GALNT10: variants seen among roughly 807,000 people sequenced by gnomAD.
GALNT10 encodes polypeptide N-acetylgalactosaminyltransferase 10, also known as GalNAc transferase 10.
GALNT10 carries 41 observed loss-of-function variants against 75.0 expected under a neutral mutation model. The ratio of observed to expected loss-of-function variants is 0.55; its 90% confidence interval spans 0.43 to 0.71. The LOEUF (loss-of-function observed/expected upper bound fraction) is 0.71, where lower values mean the gene tolerates loss of function less well. Ranked by LOEUF, GALNT10 falls within the 30% of genes least tolerant of loss-of-function variation. GALNT10 has a pLI of 0.00. For missense variants in GALNT10, 727 were observed against 818.5 expected (o/e 0.89, Z 1.36); for synonymous variants, 302 against 313.0 (o/e 0.96, Z 0.37).
chr5:154,194,297 GT>G (rs144868182), intron 1 of GALNT10, among the ~76,000 whole-genome samples: 32 of 152,130 alleles, frequency 2.1e-4, no homozygotes, highest in African/African-American at 7.5e-4. Context: ...AGAAATCAAT[GT>G]TTTTTTCTCT....
intron 4 of GALNT10, among the ~76,000 whole-genome samples, chr5:154,367,161 A>G (rs1170054121): frequency 1.3e-5 from 2 of 152,220 alleles, no homozygotes; most frequent in African/African-American, 2.4e-5. Context: ...ATGTGTGTGT[A>G]TACTTTTGTA....
intron 3 of GALNT10, among the ~76,000 whole-genome samples, chr5:154,323,149 C>T (rs990339604): frequency 3.3e-5 from 5 of 152,130 alleles, no homozygotes; most frequent in Non-Finnish European, 7.4e-5. Flanking sequence ...ACGGGCTTTG[C>T]GGGCCACATG....
intron 3 of GALNT10, among the ~76,000 whole-genome samples, chr5:154,326,339 A>T (rs1304947894): frequency 6.6e-6 from 1 of 152,180 alleles, no homozygotes; most frequent in Non-Finnish European, 1.5e-5. Context: ...AAATCATTTG[A>T]CAGGTCTTTA....
intron 1 of GALNT10, among the ~76,000 whole-genome samples, chr5:154,194,453 G>T (rs570485933): frequency 6.6e-6 from 1 of 152,186 alleles, no homozygotes; most frequent in Admixed American, 6.5e-5. Flanking sequence ...ATGCCCAGGT[G>T]AAATCTGATG....
intron 3 of GALNT10, among the ~76,000 whole-genome samples, chr5:154,326,102 C>T (rs1754751917): frequency 6.6e-6 from 1 of 150,872 alleles, no homozygotes; most frequent in South Asian, 2.1e-4. Flanking sequence ...GTAAAATATA[C>T]ATTTACTAGC....
At chr5:154,210,022 A>G (rs1485920482) in intron 1 of GALNT10, among the ~76,000 whole-genome samples, 1 of 152,186 alleles carries the variant, frequency 6.6e-6, no homozygotes, top group Non-Finnish European at 1.5e-5. Flanking sequence ...AAGTTATTTA[A>G]AAAGCCTGTT....
At position 154,412,723 on chromosome 5, in the gene GALNT10, T is replaced by A; in HGVS notation, c.1387-166T>A. Reference sequence around the variant, plus strand: ...TTCTGTGGACTGAGTCTTCCTTCATTGAGAGGCTCAAGGTACTTCCAACAG... The same window carrying A: ...TTCTGTGGACTGAGTCTTCCTTCATAGAGAGGCTCAAGGTACTTCCAACAG... On this transcript the variant is annotated intron_variant, in intron 9 of 11. Transcript: ENST00000297107. The surrounding 1 kb of genome is among the most constrained non-coding windows in gnomAD (Gnocchi z 4.2). 1.5e-6 allele frequency: 1 copy of A among 657,154 alleles called. No homozygotes were observed. The highest frequency in any genetic ancestry group is 2.6e-5 in the East Asian group (1 of 38,136). The allele number at this position is 657,154 out of a possible 1,614,324, so 40.7% of individuals were successfully genotyped here. A position where few individuals can be genotyped will look rare whatever the true frequency, so the allele number is the denominator to read the frequency against.
At chr5:154,230,710 C>G (rs1753137453) in intron 1 of GALNT10, among the ~76,000 whole-genome samples, 1 of 152,182 alleles carries the variant, frequency 6.6e-6, no homozygotes, top group Non-Finnish European at 1.5e-5. Flanking sequence ...TGAGAAGACA[C>G]AAGTCAGATA....
chr5:154,239,903 C>G (rs1403050820), intron 1 of GALNT10, among the ~76,000 whole-genome samples: 1 of 152,236 alleles, frequency 6.6e-6, no homozygotes, highest in Non-Finnish European at 1.5e-5. Context: ...CTCATCCCCT[C>G]CTTAGTGAGT....
chr5:154,290,821 C>G (rs1242867209), intron 1 of GALNT10, among the ~76,000 whole-genome samples: 1 of 152,136 alleles, frequency 6.6e-6, no homozygotes, highest in Non-Finnish European at 1.5e-5. Context: ...GGTTGGGTAG[C>G]TTGGCTTGTT....
intron 10 of GALNT10, among the ~76,000 whole-genome samples, chr5:154,415,365 T>C (rs1399689241): frequency 6.6e-6 from 1 of 151,206 alleles, no homozygotes; most frequent in Non-Finnish European, 1.5e-5. Context: ...TGAGACAGAG[T>C]CTCACTCTGT....
intron 4 of GALNT10, among the ~76,000 whole-genome samples, chr5:154,347,558 C>T (rs186692228): frequency 1.3e-3 from 197 of 152,150 alleles, no homozygotes; most frequent in African/African-American, 4.5e-3. Context: ...GACAAGGTCT[C>T]GCTGTGTTGC....
intron 3 of GALNT10, among the ~76,000 whole-genome samples, chr5:154,299,412 G>A (rs926566169): frequency 6.6e-6 from 1 of 152,188 alleles, no homozygotes; most frequent in Admixed American, 6.5e-5. Context: ...GAGGAATTGA[G>A]GCACAAAAAG....
intron 1 of GALNT10, among the ~76,000 whole-genome samples, chr5:154,275,211 G>C (rs1242927468): frequency 1.3e-5 from 2 of 152,232 alleles, no homozygotes; most frequent in African/African-American, 4.8e-5. Context: ...AAGCACGTGG[G>C]AGGATACAGA....
chr5:154,243,580 A>G (rs1018961410), intron 1 of GALNT10, among the ~76,000 whole-genome samples: 2 of 146,244 alleles, frequency 1.4e-5, no homozygotes, highest in African/African-American at 2.6e-5. Flanking sequence ...AAATTATTTA[A>G]CCACTCTGTG....
chr5:154,386,853 G>T (rs570092000), intron 7 of GALNT10: 41 of 266,236 alleles, frequency 1.5e-4, no homozygotes, highest in Non-Finnish European at 2.5e-4. Flanking sequence ...CTTTGTACCT[G>T]TTGCTCTAGG....
At chr5:154,243,713 G>A (rs546808746) in intron 1 of GALNT10, among the ~76,000 whole-genome samples, 2 of 152,340 alleles carry the variant, frequency 1.3e-5, no homozygotes, top group South Asian at 4.1e-4. Context: ...GTAAACCGTT[G>A]ATGAAAGTTG....
At chr5:154,276,842 C>T (rs1453582421) in intron 1 of GALNT10, among the ~76,000 whole-genome samples, 1 of 152,056 alleles carries the variant, frequency 6.6e-6, no homozygotes, top group Non-Finnish European at 1.5e-5. Context: ...AGTGGGGCCT[C>T]TTGAAGATGT....
At chr5:154,373,123 C>T (rs1755600435) in intron 4 of GALNT10, among the ~76,000 whole-genome samples, 1 of 152,196 alleles carries the variant, frequency 6.6e-6, no homozygotes, top group South Asian at 2.1e-4. Flanking sequence ...AGCCAGGATA[C>T]AGCCTCAGAA....
Sources: gnomAD v4.1 joint callset for allele counts (sites outside exome capture counted in the v4.1 genomes callset) on GRCh38, gnomAD v4.1.1 for gene constraint, Gnocchi (gnomAD v3.1) non-coding constraint, MANE v1.5 for transcripts, NCBI Gene and HGNC (gene_info 2026-07-23, HGNC 2026-07-21) for gene names.